PTPRG: variants seen among roughly 807,000 people sequenced by gnomAD.
The protein encoded by PTPRG is protein tyrosine phosphatase receptor type G.
A neutral mutation model predicts 165.3 loss-of-function variants in PTPRG; 102 were observed. That is an observed-to-expected ratio of 0.62 (90% CI 0.53 to 0.73). The LOEUF (loss-of-function observed/expected upper bound fraction) is 0.73, where lower values mean the gene tolerates loss of function less well. Among genes scored for constraint, PTPRG ranks in the 30% least tolerant of loss-of-function variants. The pLI is 0.00. For missense variants in PTPRG, 1,866 were observed against 1,861.4 expected (o/e 1.00, Z -0.05); for synonymous variants, 675 against 669.5 (o/e 1.01, Z -0.13).
intron 2 of PTPRG, among the ~76,000 whole-genome samples, chr3:61,929,375 A>G (rs2107579665): frequency 6.6e-6 from 1 of 152,188 alleles, no homozygotes; most frequent in East Asian, 1.9e-4. Flanking sequence ...TACCAGATCG[A>G]GCGTTTCTTT....
chr3:61,716,550 G>A (rs568892049), intron 1 of PTPRG, among the ~76,000 whole-genome samples: 17 of 150,720 alleles, frequency 1.1e-4, no homozygotes, highest in East Asian at 3.9e-4. Context: ...TCCCCATTGC[G>A]TACTCTTTTT....
intron 1 of PTPRG, among the ~76,000 whole-genome samples, chr3:61,746,196 C>T (rs1268277788): frequency 6.9e-6 from 1 of 144,184 alleles, no homozygotes; most frequent in Admixed American, 7.0e-5. Context: ...GCGTGTGCCA[C>T]CACACACTCT....
chr3:61,957,817 AC>A (rs1170447992), intron 2 of PTPRG, among the ~76,000 whole-genome samples: 1 of 152,120 alleles, frequency 6.6e-6, no homozygotes, highest in Non-Finnish European at 1.5e-5. Flanking sequence ...CTATTGAATC[AC>A]CCCACTTGAA....
chr3:62,281,039 G>A (rs1702412707), intron 26 of PTPRG, among the ~76,000 whole-genome samples: 1 of 151,932 alleles, frequency 6.6e-6, no homozygotes, highest in Non-Finnish European at 1.5e-5. Context: ...GAGATGATGG[G>A]TATGTTAATT....
chr3:61,813,904 T>TC (rs1326833093), intron 2 of PTPRG, among the ~76,000 whole-genome samples: 9 of 150,330 alleles, frequency 6.0e-5, no homozygotes, highest in Admixed American at 2.0e-4. Context: ...TTTTTTTTTT[T>TC]TGGGGGGGGT....
At chr3:61,998,142 G>C (rs1211938042) in intron 3 of PTPRG, among the ~76,000 whole-genome samples, 1 of 152,156 alleles carries the variant, frequency 6.6e-6, no homozygotes, top group Non-Finnish European at 1.5e-5. Context: ...TAAACAGTTG[G>C]GGGATGTCCT....
chr3:61,915,116 C>G (rs1002203988), intron 2 of PTPRG, among the ~76,000 whole-genome samples: 1 of 152,154 alleles, frequency 6.6e-6, no homozygotes, highest in East Asian at 1.9e-4. Flanking sequence ...GTAGTCCCAG[C>G]TACTCAGGAG....
intron 10 of PTPRG, among the ~76,000 whole-genome samples, chr3:62,199,540 T>C (rs1295531319): frequency 1.3e-5 from 2 of 152,196 alleles, no homozygotes; most frequent in African/African-American, 4.8e-5. Context: ...GAGCTTTAGA[T>C]AAAGCTACCA....
intron 1 of PTPRG, among the ~76,000 whole-genome samples, chr3:61,738,331 T>C (rs1174184174): frequency 7.2e-6 from 1 of 139,550 alleles, no homozygotes; most frequent in South Asian, 2.3e-4. Context: ...TATATATATA[T>C]ATATATGTAT....
At chr3:62,293,104 T>C (rs1279574950) in intron 29 of PTPRG, 57 bp from the exon 30 acceptor site, 12 of 1,389,234 alleles carry the variant, frequency 8.6e-6, no homozygotes, top group Non-Finnish European at 1.2e-5. Flanking sequence ...TATTTCCACC[T>C]TATGTGAAAT....
intron 2 of PTPRG, among the ~76,000 whole-genome samples, chr3:61,915,710 C>T (rs1559686406): frequency 6.6e-6 from 1 of 152,032 alleles, no homozygotes; most frequent in Non-Finnish European, 1.5e-5. Flanking sequence ...CAGGAAGTAT[C>T]TGATTATGTT....
At chr3:61,583,619 G>C (rs893277602) in intron 1 of PTPRG, among the ~76,000 whole-genome samples, 3 of 152,128 alleles carry the variant, frequency 2.0e-5, no homozygotes, top group Non-Finnish European at 2.9e-5. Context: ...CTGTGTTCTT[G>C]ATGGGATCAT....
intron 4 of PTPRG, among the ~76,000 whole-genome samples, chr3:62,076,975 A>C (rs1575972905): frequency 6.6e-6 from 1 of 152,326 alleles, no homozygotes; most frequent in South Asian, 2.1e-4. Context: ...TTTTTGAATA[A>C]GAAATTCTAG....
chr3:61,879,051 C>T (rs62243207), intron 2 of PTPRG, among the ~76,000 whole-genome samples: 17,642 of 152,126 alleles, frequency 0.12, 1,613 homozygotes, highest in East Asian at 0.49. Context: ...TATTAAGAAC[C>T]AATATAAATT....
chr3:61,906,709 G>C (rs1347161918), intron 2 of PTPRG, among the ~76,000 whole-genome samples: 1 of 152,188 alleles, frequency 6.6e-6, no homozygotes, highest in Non-Finnish European at 1.5e-5. Flanking sequence ...GGGTCTGGGA[G>C]ATCAAGTCTG....
chr3:61,588,067 T>C (rs371813386), intron 1 of PTPRG, among the ~76,000 whole-genome samples: 1 of 152,208 alleles, frequency 6.6e-6, no homozygotes, highest in African/African-American at 2.4e-5. Context: ...TTAGGAACTT[T>C]CTCTTTCATG....
intron 5 of PTPRG, among the ~76,000 whole-genome samples, chr3:62,105,576 TA>T (rs1448241451): frequency 6.6e-6 from 1 of 152,174 alleles, no homozygotes; most frequent in African/African-American, 2.4e-5. Context: ...GAGAGGCATT[TA>T]AGAATAGAAG....
chr3:61,879,156 G>T (rs2107465186), intron 2 of PTPRG, among the ~76,000 whole-genome samples: 1 of 152,340 alleles, frequency 6.6e-6, no homozygotes, highest in South Asian at 2.1e-4. Context: ...TCATTGGACA[G>T]TGTGAGCTGC....
At chr3:61,638,855 C>T (rs1432528319) in intron 1 of PTPRG, among the ~76,000 whole-genome samples, 2 of 152,082 alleles carry the variant, frequency 1.3e-5, no homozygotes, top group Admixed American at 6.6e-5. Flanking sequence ...GTCTCCCATT[C>T]TGAAGGTTGT....
Sources: gnomAD v4.1 joint callset for allele counts (sites outside exome capture counted in the v4.1 genomes callset) on GRCh38, gnomAD v4.1.1 for gene constraint, MANE v1.5 for transcripts, NCBI Gene and HGNC (gene_info 2026-07-23, HGNC 2026-07-21) for gene names.